WDR93: variants seen among roughly 807,000 people sequenced by gnomAD.
WDR93 encodes the protein WD repeat domain 93.
WDR93 carries 73 observed loss-of-function variants against 82.9 expected under a neutral mutation model. The observed-to-expected ratio is 0.88, with a 90% CI of 0.73 to 1.07. The LOEUF is 1.07. WDR93 is among the 50% of genes least tolerant of loss of function. The probability of loss-of-function intolerance (pLI) is 0.00; values close to 1 mark genes in which losing one functional copy is unlikely to be tolerated. For synonymous variants in WDR93, 283 were observed against 300.1 expected (o/e 0.94, Z 0.59); for missense variants, 738 against 826.0 (o/e 0.89, Z 1.31).
intron 4 of WDR93, among the ~76,000 whole-genome samples, chr15:89,710,143 G>C (rs1349454422): frequency 6.6e-6 from 1 of 152,216 alleles, no homozygotes; most frequent in East Asian, 1.9e-4. Flanking sequence ...TTGGACGACA[G>C]AGTGAGACTC....
In WDR93 at chr15:89,736,007, G is replaced by A. The variant is rs76756601; in HGVS notation, c.1608+454G>A. 4.0e-3 allele frequency among the ~76,000 whole-genome samples: 607 copies of A among 152,324 alleles called. 2 individuals are homozygous for A. The highest frequency in any genetic ancestry group is 0.014 in the African/African-American group (563 of 41,580). Reference sequence around the variant, plus strand: ...CCACATGAGATTGCTGTGGAATGTGGAGAGGGAGGAGGCTGGGGCGGGAAG... The same window carrying A: ...CCACATGAGATTGCTGTGGAATGTGAAGAGGGAGGAGGCTGGGGCGGGAAG... On this transcript the variant is annotated intron_variant, in intron 14 of 16. Coordinates refer to ENST00000268130, the MANE Select transcript of WDR93 (RefSeq NM_020212.2).
intron 1 of WDR93, among the ~76,000 whole-genome samples, chr15:89,695,330 G>T (rs11858209): frequency 6.6e-6 from 1 of 151,576 alleles, no homozygotes; most frequent in Non-Finnish European, 1.5e-5. Flanking sequence ...ATAGTTTTCA[G>T]TATGTGGGTG....
intron 5 of WDR93, among the ~76,000 whole-genome samples, chr15:89,712,396 C>CTTTTTTTTTTTTTTTTTTTTTTTTTTTTT (rs1170109589): frequency 2.5e-5 from 2 of 80,514 alleles, no homozygotes; most frequent in African/African-American, 1.1e-4. Context: ...TTCCACTAAT[C>CTTTTTTTTTTTTTTTTTTTTTTTTTTTTT]TTTTTTTTTT....
chr15:89,701,513 C>T (rs1198125974), intron 1 of WDR93, among the ~76,000 whole-genome samples, 194 bp from the exon 2 acceptor site: 6 of 152,174 alleles, frequency 3.9e-5, no homozygotes, highest in Non-Finnish European at 7.3e-5. Context: ...CTGGAAAATA[C>T]CTGCCTCCTC....
intron 5 of WDR93, among the ~76,000 whole-genome samples, 166 bp from the exon 6 acceptor site, chr15:89,714,814 G>A (rs1470079281): frequency 3.3e-5 from 5 of 152,282 alleles, no homozygotes; most frequent in African/African-American, 1.2e-4. Context: ...ATGAGGACTT[G>A]CAATAACCAT....
At chr15:89,690,583 A>G (rs761891033), upstream of WDR93, 79 of 1,551,120 alleles carry the variant, frequency 5.1e-5, no homozygotes, top group Non-Finnish European at 1.5e-5. Flanking sequence ...TCACCTGAAG[A>G]GTCGGTCCCG....
At chr15:89,733,933 G>A (rs1421443741) in intron 13 of WDR93, among the ~76,000 whole-genome samples, 1 of 152,126 alleles carries the variant, frequency 6.6e-6, no homozygotes, top group Non-Finnish European at 1.5e-5. Context: ...AGTTTCTCCA[G>A]GGATCTCTCT....
intron 13 of WDR93, among the ~76,000 whole-genome samples, chr15:89,734,545 C>T (rs1238542949): frequency 2.6e-5 from 4 of 152,186 alleles, no homozygotes; most frequent in African/African-American, 4.8e-5. Context: ...TTGGGCAAAG[C>T]ACATCCCACA....
chr15:89,696,764 G>A (rs986229602), intron 1 of WDR93, among the ~76,000 whole-genome samples: 4 of 152,088 alleles, frequency 2.6e-5, no homozygotes, highest in Non-Finnish European at 4.4e-5. Flanking sequence ...CAAAGTGCTC[G>A]GATGATAGGT....
intron 16 of WDR93, among the ~76,000 whole-genome samples, chr15:89,739,171 T>C (rs998911485): frequency 2.7e-5 from 4 of 150,374 alleles, no homozygotes; most frequent in South Asian, 4.2e-4. Flanking sequence ...TAAGATGGGG[T>C]TGGCAAACTA....
chr15:89,735,602 T>C (rs1967104220), intron 14 of WDR93, 49 bp downstream of exon 14: 1 of 1,563,438 alleles, frequency 6.4e-7, no homozygotes, highest in South Asian at 1.1e-5. Context: ...CTCATTTCTC[T>C]TCTGTGAATG....
At chr15:89,694,379 T>C (rs1026804938) in intron 1 of WDR93, among the ~76,000 whole-genome samples, 1 of 151,412 alleles carries the variant, frequency 6.6e-6, no homozygotes, top group Non-Finnish European at 1.5e-5. Context: ...GGACTACAGG[T>C]GCCCACCGCC....
At chr15:89,701,145 T>G (rs2141594646) in intron 1 of WDR93, among the ~76,000 whole-genome samples, 2 of 152,324 alleles carry the variant, frequency 1.3e-5, no homozygotes, top group Admixed American at 1.3e-4. Context: ...ATTCTTTTTT[T>G]AATGTCTCAA....
At chr15:89,741,597 A>G (rs1165607420) in intron 16 of WDR93, among the ~76,000 whole-genome samples, 1 of 152,196 alleles carries the variant, frequency 6.6e-6, no homozygotes, top group Non-Finnish European at 1.5e-5. Flanking sequence ...AATATAAAGT[A>G]CACATTGCTA....
At chr15:89,690,881 T>A (rs771255455) in intron 1 of WDR93, 24 bp downstream of exon 1, 1 of 482,216 alleles carries the variant, frequency 2.1e-6, no homozygotes, top group Non-Finnish European at 3.7e-6. Flanking sequence ...ATCTTACCTT[T>A]GGATGCCGGG....
intron 8 of WDR93, among the ~76,000 whole-genome samples, chr15:89,725,557 T>C (rs1966703203): frequency 6.8e-6 from 1 of 146,522 alleles, no homozygotes; most frequent in Non-Finnish European, 1.5e-5. Flanking sequence ...TTTTTTTTTT[T>C]CTTTTTTCTT....
At chr15:89,732,124 C>T (rs1181745947) in intron 12 of WDR93, among the ~76,000 whole-genome samples, 5 of 152,156 alleles carry the variant, frequency 3.3e-5, no homozygotes, top group Non-Finnish European at 5.9e-5. Context: ...TTCCTAAATT[C>T]GTCAGCCTCT....
intron 8 of WDR93, 125 bp from the exon 9 acceptor site, chr15:89,727,032 G>C: frequency 9.0e-7 from 1 of 1,109,096 alleles, no homozygotes; most frequent in Non-Finnish European, 1.3e-6. Flanking sequence ...ACCAATTGCA[G>C]AGCAAGAATC....
At chr15:89,698,822 C>G (rs1965312218) in intron 1 of WDR93, among the ~76,000 whole-genome samples, 1 of 151,700 alleles carries the variant, frequency 6.6e-6, no homozygotes, top group African/African-American at 2.4e-5. Flanking sequence ...TTTAATTTGC[C>G]TAATGCATCC....
Sources: gnomAD v4.1 joint callset for allele counts (sites outside exome capture counted in the v4.1 genomes callset) on GRCh38, gnomAD v4.1.1 for gene constraint, MANE v1.5 for transcripts, NCBI Gene and HGNC (gene_info 2026-07-23, HGNC 2026-07-21) for gene names.